ZDHHC14: variants seen among roughly 807,000 people sequenced by gnomAD.
ZDHHC14 encodes the protein zDHHC palmitoyltransferase 14.
A neutral mutation model predicts 47.7 loss-of-function variants in ZDHHC14; 16 were observed. The observed-to-expected ratio is 0.34, with a 90% CI of 0.23 to 0.51. ZDHHC14 has a LOEUF of 0.51. ZDHHC14 is among the 20% of genes least tolerant of loss of function. The pLI, the probability that ZDHHC14 is intolerant of heterozygous loss-of-function variation, is 0.97. For missense variants in ZDHHC14, 515 were observed against 662.5 expected (o/e 0.78, Z 2.44); for synonymous variants, 293 against 278.9 (o/e 1.05, Z -0.50).
At chr6:157,488,411 A>C (rs1366188055) in intron 1 of ZDHHC14, among the ~76,000 whole-genome samples, 2 of 152,150 alleles carry the variant, frequency 1.3e-5, no homozygotes, top group Non-Finnish European at 1.5e-5. Flanking sequence ...CTGTGGTCCA[A>C]ACAACCCTCA....
At chr6:157,421,283 A>T (rs538324058) in intron 1 of ZDHHC14, among the ~76,000 whole-genome samples, 1 of 151,840 alleles carries the variant, frequency 6.6e-6, no homozygotes, top group South Asian at 2.1e-4. Flanking sequence ...GTGGATCACG[A>T]GGTCAGGAGA....
At chr6:157,672,657 C>G (rs1490514794) in intron 8 of ZDHHC14, 67 bp from the exon 9 acceptor site, 1 of 722,900 alleles carries the variant, frequency 1.4e-6, no homozygotes, top group Non-Finnish European at 2.2e-6. Flanking sequence ...CTGTCCCCAT[C>G]CCTGTCCCTC....
At chr6:157,391,120 T>G (rs1777411619) in intron 1 of ZDHHC14, among the ~76,000 whole-genome samples, 1 of 152,236 alleles carries the variant, frequency 6.6e-6, no homozygotes. Context: ...CAATCAGGAC[T>G]TCCCCCTTAG....
At chr6:157,411,171 G>T (rs992604564) in intron 1 of ZDHHC14, among the ~76,000 whole-genome samples, 14 of 152,172 alleles carry the variant, frequency 9.2e-5, no homozygotes, top group Non-Finnish European at 2.1e-4. Context: ...GGTGGTAGGG[G>T]TAGTGATGAA....
chr6:157,626,062 A>G (rs1223388861), intron 3 of ZDHHC14, among the ~76,000 whole-genome samples: 2 of 152,216 alleles, frequency 1.3e-5, no homozygotes, highest in East Asian at 3.8e-4. Flanking sequence ...TTTCTAAGCT[A>G]AAAATACAAC....
At chr6:157,400,343 A>G (rs1777609263) in intron 1 of ZDHHC14, among the ~76,000 whole-genome samples, 2 of 152,304 alleles carry the variant, frequency 1.3e-5, no homozygotes, top group East Asian at 3.9e-4. Flanking sequence ...GGAAGGCAGC[A>G]GTGGGGTTGA....
chr6:157,508,547 AT>A (rs979327052), intron 1 of ZDHHC14, among the ~76,000 whole-genome samples: 1 of 151,766 alleles, frequency 6.6e-6, no homozygotes, highest in African/African-American at 2.4e-5. Context: ...TTTATTTTAT[AT>A]TTTTTGTAGA....
chr6:157,600,387 AATAG>A (rs917736317), intron 3 of ZDHHC14, among the ~76,000 whole-genome samples: 97 of 152,296 alleles, frequency 6.4e-4, no homozygotes, highest in African/African-American at 2.2e-3. Flanking sequence ...TGATCATGAT[AATAG>A]ATAATAAAAA....
At chr6:157,648,969 T>C (rs16900297) in intron 7 of ZDHHC14, among the ~76,000 whole-genome samples, 4 of 152,250 alleles carry the variant, frequency 2.6e-5, no homozygotes, top group Admixed American at 1.3e-4. Context: ...TTCTTGTTCC[T>C]GAGTCCTTCA....
chr6:157,615,942 G>A (rs1177599896), intron 3 of ZDHHC14, among the ~76,000 whole-genome samples: 1 of 152,234 alleles, frequency 6.6e-6, no homozygotes, highest in Non-Finnish European at 1.5e-5. Flanking sequence ...GAGGGGGCCA[G>A]AGGCCTGCCC....
intron 8 of ZDHHC14, among the ~76,000 whole-genome samples, chr6:157,656,388 G>A (rs1016580143): frequency 2.0e-5 from 3 of 151,010 alleles, no homozygotes; most frequent in Non-Finnish European, 4.4e-5. Flanking sequence ...AGGCTGGAAT[G>A]CAGTGGCATG....
intron 1 of ZDHHC14, among the ~76,000 whole-genome samples, chr6:157,404,741 GT>G (rs1323601685): frequency 6.6e-6 from 1 of 152,072 alleles, no homozygotes; most frequent in African/African-American, 2.4e-5. Flanking sequence ...TAGATAACTT[GT>G]TTTTAAATAT....
intron 1 of ZDHHC14, among the ~76,000 whole-genome samples, chr6:157,402,529 C>A (rs1777665923): frequency 1.3e-5 from 2 of 152,244 alleles, no homozygotes; most frequent in African/African-American, 4.8e-5. Flanking sequence ...CCACTTCATC[C>A]TCCCTTCTTA....
chr6:157,482,644 C>T (rs1009655593), intron 1 of ZDHHC14, among the ~76,000 whole-genome samples: 2 of 152,080 alleles, frequency 1.3e-5, no homozygotes, highest in East Asian at 3.9e-4. Context: ...CTGTCCAGGC[C>T]CCAGCTTAAT....
intron 1 of ZDHHC14, among the ~76,000 whole-genome samples, chr6:157,415,755 T>G (rs1392390023): frequency 6.6e-6 from 1 of 151,848 alleles, no homozygotes; most frequent in Non-Finnish European, 1.5e-5. Context: ...GTGCCTGTAA[T>G]CCCAGCCACT....
intron 5 of ZDHHC14, among the ~76,000 whole-genome samples, chr6:157,643,551 G>A (rs1176262525): frequency 6.6e-6 from 1 of 150,534 alleles, no homozygotes; most frequent in Non-Finnish European, 1.5e-5. Context: ...GGGAGGCTGA[G>A]GCAGCAGAAT....
At chr6:157,509,800 G>A (rs1375188803) in intron 1 of ZDHHC14, among the ~76,000 whole-genome samples, 1 of 152,136 alleles carries the variant, frequency 6.6e-6, no homozygotes. Context: ...TTGCAGACTG[G>A]GTACAGAGAA....
intron 8 of ZDHHC14, among the ~76,000 whole-genome samples, chr6:157,668,972 AAAAC>A (rs1292381355): frequency 6.6e-6 from 1 of 152,360 alleles, no homozygotes; most frequent in Non-Finnish European, 1.5e-5. Context: ...CCTTTAAGAA[AAAAC>A]AAACAATATG....
chr6:157,674,304 T>C lies in ZDHHC14; in HGVS notation c.*1182T>C, dbSNP rs1778932484. On this transcript the variant is annotated 3_prime_UTR_variant, in exon 9 of 9. Transcript: ENST00000359775. ...TGTCACTCAATCCCAGAAGTGCAAC[T>C]TGAGGTCCTAGTAAAGGTATCAGAA... The C allele has an allele frequency of 1.3e-5, 2 of 152,176 alleles. No homozygotes were observed. The highest frequency in any genetic ancestry group is 4.1e-4 in the South Asian group (2 of 4,820). 9.4% of individuals were successfully genotyped at this position (152,176 alleles called of 1,614,324 possible).
Sources: allele counts gnomAD v4.1 joint callset (sites outside exome capture counted in the v4.1 genomes callset), GRCh38; gene constraint gnomAD v4.1.1; transcripts MANE v1.5; gene names NCBI Gene and HGNC (gene_info 2026-07-23, HGNC 2026-07-21).